KIFAP3: variants seen among roughly 807,000 people sequenced by gnomAD.
KIFAP3 encodes the protein kinesin-associated protein 3.
In KIFAP3, 68 loss-of-function variants were observed where a neutral mutation model predicts 106.5. That is an observed-to-expected ratio of 0.64 (90% confidence interval 0.53 to 0.78). The LOEUF is 0.78. Ranked by LOEUF, KIFAP3 falls within the 30% of genes least tolerant of loss-of-function variation. KIFAP3 has a pLI of 0.00. For missense variants in KIFAP3, 780 were observed against 941.8 expected (o/e 0.83, Z 2.25); for synonymous variants, 320 against 311.5 (o/e 1.03, Z -0.29).
At chr1:170,058,799 T>TAACCAAA in intron 1 of KIFAP3, among the ~76,000 whole-genome samples, 1 of 152,160 alleles carries the variant, frequency 6.6e-6, no homozygotes, top group South Asian at 2.1e-4. Context: ...ATGATGACCC[T>TAACCAAA]AACCAAATCT....
At chr1:170,031,145 T>C (rs1669387194) in intron 8 of KIFAP3, among the ~76,000 whole-genome samples, 1 of 151,778 alleles carries the variant, frequency 6.6e-6, no homozygotes, top group South Asian at 2.1e-4. Context: ...TACCTATTAT[T>C]TTCTAGCATA....
intron 16 of KIFAP3, among the ~76,000 whole-genome samples, chr1:169,972,892 G>A (rs954422928): frequency 1.3e-5 from 2 of 151,288 alleles, no homozygotes; most frequent in African/African-American, 4.8e-5. Context: ...TGAGGATCAT[G>A]AACATAAATG....
At chr1:169,978,643 A>G (rs1279932059) in intron 15 of KIFAP3, among the ~76,000 whole-genome samples, 1 of 152,146 alleles carries the variant, frequency 6.6e-6, no homozygotes, top group Non-Finnish European at 1.5e-5. Context: ...CTAATTAATA[A>G]ACCTTTAATA....
At chr1:170,009,082 C>G (rs946969498) in intron 10 of KIFAP3, among the ~76,000 whole-genome samples, 5 of 151,976 alleles carry the variant, frequency 3.3e-5, no homozygotes, top group African/African-American at 1.2e-4. Context: ...AACACATGGA[C>G]ATCACACACC....
chr1:170,053,368 T>C (rs1461570683), intron 2 of KIFAP3, among the ~76,000 whole-genome samples: 1 of 151,902 alleles, frequency 6.6e-6, no homozygotes, highest in African/African-American at 2.4e-5. Flanking sequence ...TGGAAAAACA[T>C]CCCATCCTCA....
chr1:169,942,407 T>C (rs1664174745), intron 19 of KIFAP3, among the ~76,000 whole-genome samples: 1 of 152,244 alleles, frequency 6.6e-6, no homozygotes, highest in African/African-American at 2.4e-5. Flanking sequence ...CTCCTCTTAG[T>C]TTATTCACAT....
At position 170,074,652 on chromosome 1, in the gene KIFAP3, T is replaced by G; in HGVS notation, c.-185A>C. The G allele has an allele frequency of 6.8e-7, 1 of 1,461,462 alleles. No homozygotes were observed. The highest frequency in any genetic ancestry group is 2.4e-5 in the Admixed American group (1 of 41,398). 90.5% of individuals were successfully genotyped at this position (1,461,462 alleles called of 1,614,324 possible). ...CCTCCAGCTCCTCCCACAGCTTCTG[T>G]GCCCCAAAACACTGGAGCGGCCCAG... On this transcript the variant is annotated 5_prime_UTR_variant, in exon 1 of 20. Coordinates refer to ENST00000361580, the MANE Select transcript of KIFAP3 (RefSeq NM_014970.4).
At chr1:170,029,368 A>G (rs183559659) in intron 8 of KIFAP3, among the ~76,000 whole-genome samples, 53 of 152,202 alleles carry the variant, frequency 3.5e-4, no homozygotes, top group Non-Finnish European at 5.4e-4. Context: ...TTGAACATCA[A>G]TTATTTGGGA....
chr1:170,044,908 A>G (rs1339834270), intron 3 of KIFAP3, among the ~76,000 whole-genome samples: 2 of 152,252 alleles, frequency 1.3e-5, no homozygotes, highest in East Asian at 1.9e-4. Flanking sequence ...TTTTCTTTTG[A>G]GCTATTTATA....
chr1:170,063,156 C>T (rs374057264), intron 1 of KIFAP3, among the ~76,000 whole-genome samples: 2 of 152,122 alleles, frequency 1.3e-5, no homozygotes, highest in African/African-American at 2.4e-5. Flanking sequence ...TGCAGTTAAA[C>T]GATAACCAGC....
chr1:169,987,759 C>T (rs1007026381), intron 11 of KIFAP3, among the ~76,000 whole-genome samples: 28 of 152,070 alleles, frequency 1.8e-4, no homozygotes, highest in African/African-American at 4.8e-5. Flanking sequence ...TATTAAATAA[C>T]ACCATGACAT....
intron 19 of KIFAP3, chr1:169,923,038 A>G (rs1662909506): frequency 1.0e-6 from 1 of 970,450 alleles, no homozygotes; most frequent in Admixed American, 6.2e-5. Flanking sequence ...GAGTAAATGT[A>G]AAGAGCCAAA....
At chr1:170,063,039 A>C (rs1037162363) in intron 1 of KIFAP3, among the ~76,000 whole-genome samples, 1 of 152,180 alleles carries the variant, frequency 6.6e-6, no homozygotes, top group African/African-American at 2.4e-5. Flanking sequence ...AACAAAAATG[A>C]TAACAATCCC....
intron 16 of KIFAP3, among the ~76,000 whole-genome samples, chr1:169,974,126 A>G (rs2101894103): frequency 6.6e-6 from 1 of 152,054 alleles, no homozygotes; most frequent in East Asian, 1.9e-4. Context: ...TTTGCATCCC[A>G]AAAGAAAAAA....
At chr1:170,024,238 G>C in intron 9 of KIFAP3, 180 bp downstream of exon 9, 1 of 431,204 alleles carries the variant, frequency 2.3e-6, no homozygotes, top group Non-Finnish European at 4.1e-6. Context: ...TCAATCACCT[G>C]GAATATTAAC....
intron 3 of KIFAP3, among the ~76,000 whole-genome samples, chr1:170,040,951 G>A (rs960191480): frequency 1.3e-5 from 2 of 151,626 alleles, no homozygotes; most frequent in Non-Finnish European, 2.9e-5. Context: ...TCAGCCTCCT[G>A]AGTAGCTGGG....
chr1:169,999,266 G>C (rs1472810200), intron 10 of KIFAP3, among the ~76,000 whole-genome samples: 2 of 152,008 alleles, frequency 1.3e-5, no homozygotes, highest in East Asian at 3.8e-4. Context: ...AGGATTGGAG[G>C]GTATGATTTT....
At chr1:170,074,327 C>T in intron 1 of KIFAP3, 109 bp downstream of exon 1, 1 of 1,252,450 alleles carries the variant, frequency 8.0e-7, no homozygotes, top group Non-Finnish European at 1.1e-6. Context: ...TCCCTGCTTC[C>T]CATCCCGTCT....
At chr1:170,041,703 G>C in intron 3 of KIFAP3, 1 of 1,535,266 alleles carries the variant, frequency 6.5e-7, no homozygotes, top group East Asian at 2.4e-5. Flanking sequence ...TTGGAGTACA[G>C]AAACAGTTTC....
Sources: gnomAD v4.1 joint callset for allele counts (sites outside exome capture counted in the v4.1 genomes callset) on GRCh38, gnomAD v4.1.1 for gene constraint, MANE v1.5 for transcripts, NCBI Gene and HGNC (gene_info 2026-07-23, HGNC 2026-07-21) for gene names.